The following SPTBN4 variants were observed in gnomAD, a reference collection of about 807,000 sequenced individuals.
SPTBN4 encodes the protein spectrin beta chain, non-erythrocytic 4.
In SPTBN4, 96 loss-of-function variants were observed where a neutral mutation model predicts 277.8. That is an observed-to-expected ratio of 0.35 (90% CI 0.29 to 0.41). SPTBN4 has a LOEUF of 0.41. Ranked by LOEUF, SPTBN4 falls within the 10% of genes least tolerant of loss-of-function variation. The pLI is 1.00. For synonymous variants in SPTBN4, 1,481 were observed against 1,580.3 expected (o/e 0.94, Z 1.49); for missense variants, 3,006 against 3,595.7 (o/e 0.84, Z 4.19).
rs545269699 is a variant in SPTBN4 at position 40,508,689 on chromosome 19, A to G, written c.1816+2303A>G. Among the ~76,000 whole-genome samples the G allele has an allele frequency of 8.5e-5, 13 of 152,246 alleles. No homozygotes were observed. The East Asian group carries it at 1.2e-3, about 14-fold the overall frequency. On this transcript the variant is annotated intron_variant, in intron 13 of 35. Coordinates refer to ENST00000598249, the MANE Select transcript of SPTBN4 (RefSeq NM_020971.3). ...GGCAACAGAGCGAGACCTCATCTCA[A>G]AGAAATATATATATATATATGACTG...
rs1032983682 is a variant in SPTBN4 at position 40,554,284 on chromosome 19, C to G, written c.4812C>G (p.Ala1604=). The G allele has an allele frequency of 3.3e-6, 5 of 1,537,576 alleles. No homozygotes were observed. The highest frequency in any genetic ancestry group is 2.0e-5 in the Admixed American group (1 of 51,140). Residue 1604 remains alanine (A), a synonymous_variant, in exon 23 of 36, where the codon GCC becomes GCG. Coordinates refer to ENST00000598249, the MANE Select transcript of SPTBN4 (RefSeq NM_020971.3). The surrounding 1 kb of genome is among the most constrained non-coding windows in gnomAD (Gnocchi z 5.7). ...TGGAGCAGCTGCAGAGCGCCTGGGC[C>G]GGACTGCGGGAGGCTGCCGAGCGAC... ...RGLEQLQSAW[A]GLREAAERRQ...
intron 5 of SPTBN4, among the ~76,000 whole-genome samples, chr19:40,493,925 G>A (rs1295487153): frequency 6.6e-6 from 1 of 152,124 alleles, no homozygotes; most frequent in Non-Finnish European, 1.5e-5. Flanking sequence ...CTATGTCCAA[G>A]CTCTGGCCAC....
Position 40,507,472 on chromosome 19 carries a change from G to T in SPTBN4, c.1816+1086G>T, listed in dbSNP as rs182960519. 2.0e-5 allele frequency among the ~76,000 whole-genome samples: 3 copies of T among 151,954 alleles called. No homozygotes were observed. The East Asian group carries it at 5.8e-4, about 29-fold the overall frequency. Reference sequence around the variant, plus strand: ...TAATTCCAGAGCTTTGGGAGGCAAAGATGTGAGGATTGCTTGAGGCCAGGA... The same window carrying T: ...TAATTCCAGAGCTTTGGGAGGCAAATATGTGAGGATTGCTTGAGGCCAGGA... On this transcript the variant is annotated intron_variant, in intron 13 of 35. Coordinates refer to ENST00000598249, the MANE Select transcript of SPTBN4 (RefSeq NM_020971.3).
intron 4 of SPTBN4, among the ~76,000 whole-genome samples, chr19:40,491,655 T>C (rs35174705): frequency 3.5e-4 from 47 of 136,032 alleles, no homozygotes; most frequent in Non-Finnish European, 4.4e-4. Context: ...GGCAGGAGAA[T>C]GTGAGCCGAG....
Position 40,560,094 on chromosome 19 carries a change from G to A in SPTBN4, c.5671-65G>A, listed in dbSNP as rs1416524708. On this transcript the variant is annotated intron_variant, in intron 26 of 35. Coordinates refer to ENST00000598249, the MANE Select transcript of SPTBN4 (RefSeq NM_020971.3). The surrounding 1 kb of genome is among the most constrained non-coding windows in gnomAD (Gnocchi z 5.2). ...CTTGAGGTTCTGCGCTGGAGCAGATGGTGGGAGGGAGGGCACAGCCTGGGC... is the reference window on the plus strand; with the variant it reads ...CTTGAGGTTCTGCGCTGGAGCAGATAGTGGGAGGGAGGGCACAGCCTGGGC... The A allele has an allele frequency of 6.7e-7, 1 of 1,503,384 alleles. No individual in the cohort carries two copies. Among genetic ancestry groups the A allele is most frequent in the Non-Finnish European group, 8.8e-7 (1 of 1,131,756 alleles). The allele number at this position is 1,503,384 out of a possible 1,614,324, so 93.1% of individuals were successfully genotyped here. A position where few individuals can be genotyped will look rare whatever the true frequency, so the allele number is the denominator to read the frequency against.
rs573034119 is a variant in SPTBN4, at chr19:40,530,471, G to C, written c.3948+1340G>C. On this transcript the variant is annotated intron_variant, in intron 18 of 35. Coordinates refer to ENST00000598249, the MANE Select transcript of SPTBN4 (RefSeq NM_020971.3). The stretch of plus-strand genomic sequence containing the variant: ...GCGGCCGCCGCGCGGGGGCGAGGGA[G>C]GGGGCGCGCGGCCGCCGGAGCCTCA... 2.9e-3 allele frequency: 2,857 copies of C among 978,064 alleles called. 50 individuals are homozygous for C. The African/African-American group carries it at 0.043, about 15-fold the overall frequency. 60.6% of individuals were successfully genotyped at this position (978,064 alleles called of 1,614,324 possible).
At chr19:40,570,324 G>A (rs1187752406) in intron 32 of SPTBN4, 112 bp from the exon 33 acceptor site, 2 of 606,188 alleles carry the variant, frequency 3.3e-6, no homozygotes, top group Non-Finnish European at 5.1e-6. Context: ...ACTCGCCTCC[G>A]AGACAAATGG....
At chr19:40,486,619 C>G (rs558630753) in intron 2 of SPTBN4, among the ~76,000 whole-genome samples, 1 of 152,044 alleles carries the variant, frequency 6.6e-6, no homozygotes, top group Admixed American at 6.6e-5. Context: ...GCAATCCACC[C>G]GCCTTGGCTT....
chr19:40,468,027 A>T (rs146710962), intron 1 of SPTBN4, among the ~76,000 whole-genome samples: 3 of 152,248 alleles, frequency 2.0e-5, no homozygotes, highest in Non-Finnish European at 4.4e-5. Flanking sequence ...TGATCCCTGC[A>T]TTAATAACTT....
At chr19:40,474,224 T>A (rs950641152) in intron 2 of SPTBN4, among the ~76,000 whole-genome samples, 4 of 151,084 alleles carry the variant, frequency 2.6e-5, no homozygotes, top group African/African-American at 9.7e-5. Context: ...CCTAAGAAAT[T>A]TTAGTCATTG....
chr19:40,485,880 C>T (rs1488467544), intron 2 of SPTBN4, among the ~76,000 whole-genome samples: 1 of 151,586 alleles, frequency 6.6e-6, no homozygotes, highest in African/African-American at 2.4e-5. Flanking sequence ...ATACAACTGT[C>T]TGATGGAGCA....
intron 1 of SPTBN4, among the ~76,000 whole-genome samples, chr19:40,471,377 T>C (rs1308223027): frequency 1.3e-5 from 2 of 152,168 alleles, no homozygotes; most frequent in Non-Finnish European, 2.9e-5. Context: ...GGGAATTAAA[T>C]TTGTGGAAAT....
chr19:40,519,520 G>A lies in SPTBN4; in HGVS notation c.3023G>A (p.Arg1008Lys). 1 of 1,599,866 alleles carries A rather than the reference G, an allele frequency of 6.3e-7. No individual in the cohort carries two copies. Among genetic ancestry groups the A allele is most frequent in the Non-Finnish European group, 8.5e-7 (1 of 1,175,104 alleles). Residue 1008 changes from arginine to lysine, a missense_variant, in exon 16 of 36, where the codon AGA becomes AAA. By Grantham distance (26) the Arg-to-Lys change is conservative (BLOSUM62 2). Coordinates refer to ENST00000598249, the MANE Select transcript of SPTBN4 (RefSeq NM_020971.3). This position sits in a 1 kb window ranked among gnomAD's most constrained non-coding sequence, Gnocchi z 5.7. ...EVRAQVREKR[R>K]AVESAPRAGG... ...CGCGCCCAGGTGCGTGAGAAGCGGA[G>A]AGCTGTGGAGAGCGCGCCCCGGGCC...
At chr19:40,563,788 C>A (rs1489960119) in intron 27 of SPTBN4, among the ~76,000 whole-genome samples, 1 of 116,142 alleles carries the variant, frequency 8.6e-6, no homozygotes, top group Non-Finnish European at 1.7e-5. Context: ...CCTGTAATCT[C>A]GGCTGAGATT....
Position 40,536,052 on chromosome 19 carries a change from A to G in SPTBN4, c.4359+1709A>G, listed in dbSNP as rs183254405. The stretch of plus-strand genomic sequence containing the variant: ...GATATAGCAGTGGGCAAAATGGATG[A>G]AAAGTTACTGCCTTCACGGTGATCC... On this transcript the variant is annotated intron_variant, in intron 20 of 35. Transcript: ENST00000598249. Among the ~76,000 whole-genome samples the G allele has an allele frequency of 6.6e-5, 10 of 152,276 alleles. No individual in the cohort carries two copies. In the East Asian group the frequency reaches 1.9e-3, roughly 29 times the overall value.
chr19:40,569,747 G>T, intron 32 of SPTBN4, 21 bp downstream of exon 32: 1 of 1,602,198 alleles, frequency 6.2e-7, no homozygotes. Context: ...CCTCGGATGG[G>T]TGGGGATAGG....
At chr19:40,550,358 G>T (rs749905234) in intron 22 of SPTBN4, 31 bp downstream of exon 22, 1 of 1,594,974 alleles carries the variant, frequency 6.3e-7, no homozygotes, top group South Asian at 1.1e-5. Flanking sequence ...GAGCGAGTTA[G>T]GACATTTGGA....
chr19:40,502,861 G>A lies in SPTBN4; in HGVS notation c.1290G>A (p.Leu430=). Residue 430 remains leucine (L), a synonymous_variant, in exon 11 of 36, where the codon CTG becomes CTA. Transcript: ENST00000598249. This position sits in a 1 kb window ranked among gnomAD's most constrained non-coding sequence, Gnocchi z 4.9. The part of the protein sequence containing the change: ...ELIRQEKLEL[L]AQRFDHKVAM... ...TTCGGCAGGAGAAGCTGGAACTACT[G>A]GCACAGAGGTTTGACCACAAGGTGG... 6.2e-7 allele frequency: 1 copy of A among 1,613,910 alleles called. No homozygotes were observed. Among genetic ancestry groups the A allele is most frequent in the Non-Finnish European group, 8.5e-7 (1 of 1,180,018 alleles).
At chr19:40,500,530 G>A (rs1033467594) in intron 7 of SPTBN4, among the ~76,000 whole-genome samples, 5 of 152,154 alleles carry the variant, frequency 3.3e-5, no homozygotes, top group African/African-American at 1.2e-4. Context: ...ATAGGCATAC[G>A]GCTGGGCCCA....
Sources: gnomAD v4.1 joint callset for allele counts (sites outside exome capture counted in the v4.1 genomes callset) on GRCh38, gnomAD v4.1.1 for gene constraint, Gnocchi (gnomAD v3.1) non-coding constraint, MANE v1.5 for transcripts, NCBI Gene and HGNC (gene_info 2026-07-23, HGNC 2026-07-21) for gene names.